Variants in PDE3B observed in about 807,000 individuals in gnomAD.
PDE3B encodes cGMP-inhibited 3',5'-cyclic phosphodiesterase 3B.
PDE3B carries 66 observed loss-of-function variants against 116.8 expected under a neutral mutation model. That is an observed-to-expected ratio of 0.56 (90% CI 0.46 to 0.69). The LOEUF (loss-of-function observed/expected upper bound fraction) is 0.69. Among genes scored for constraint, PDE3B ranks in the 30% least tolerant of loss-of-function variants. PDE3B has a pLI of 0.00. For synonymous variants in PDE3B, 595 were observed against 533.6 expected, an observed-to-expected ratio of 1.12 and a Z score of -1.59; for missense variants, 1,384 against 1,368.1, an observed-to-expected ratio of 1.01 and a Z score of -0.18.
At chr11:14,756,619 G>A (rs1857186641) in intron 1 of PDE3B, among the ~76,000 whole-genome samples, 1 of 152,256 alleles carries the variant, frequency 6.6e-6, no homozygotes, top group East Asian at 1.9e-4. Context: ...AAAAAGGTTA[G>A]TCTCCTAAGG....
rs773898887 is a variant in PDE3B, at chr11:14,644,119, A to G, written c.44A>G (p.Gln15Arg). Residue 15 changes from glutamine to arginine, a missense_variant, in exon 1 of 16, where the codon CAG becomes CGG. Transcript: ENST00000282096. ...ERDAKAMRSL[Q>R]PPDGAGSPPE... ...GACGCCAAAGCCATGCGGTCCCTGC[A>G]GCCGCCGGATGGGGCCGGCTCGCCC... The G allele has an allele frequency of 2.5e-6, 4 of 1,580,166 alleles. No individual in the cohort carries two copies. In the African/African-American group the frequency reaches 5.5e-5, roughly 22 times the overall value.
intron 14 of PDE3B, among the ~76,000 whole-genome samples, chr11:14,866,128 A>T (rs147448109): frequency 6.6e-6 from 1 of 152,212 alleles, no homozygotes; most frequent in African/African-American, 2.4e-5. Context: ...ATGAACTAAT[A>T]TATGTAGACT....
chr11:14,841,345 C>CTA (rs1186245385), intron 11 of PDE3B, among the ~76,000 whole-genome samples: 84 of 145,616 alleles, frequency 5.8e-4, no homozygotes, highest in African/African-American at 8.2e-4. Context: ...CTCTCTCTCT[C>CTA]TCTATATATA....
At position 14,686,421 on chromosome 11, in the gene PDE3B, G is replaced by A. The variant is rs555538780; in HGVS notation, c.978+41368G>A. Among the ~76,000 whole-genome samples the A allele has an allele frequency of 2.6e-4, 39 of 152,302 alleles. No individual in the cohort carries two copies. In the South Asian group the frequency reaches 7.7e-3, roughly 30 times the overall value. Reference sequence around the variant, plus strand: ...ATACTTTAAAGAAAATAATAACAGTGATTAGTAGAACTTAGCCTTGAATTA... The same window carrying A: ...ATACTTTAAAGAAAATAATAACAGTAATTAGTAGAACTTAGCCTTGAATTA... On this transcript the variant is annotated intron_variant, in intron 1 of 15. Coordinates refer to ENST00000282096, the MANE Select transcript of PDE3B (RefSeq NM_000922.4).
At chr11:14,645,870 A>G (rs1853388249) in intron 1 of PDE3B, among the ~76,000 whole-genome samples, 1 of 152,188 alleles carries the variant, frequency 6.6e-6, no homozygotes, top group Non-Finnish European at 1.5e-5. Context: ...AAGAAACTTA[A>G]TAAGTATAGT....
rs958683886 is a variant in PDE3B at position 14,661,165 on chromosome 11, C to T, written c.978+16112C>T. On this transcript the variant is annotated intron_variant, in intron 1 of 15. Transcript: ENST00000282096. ...ACCATTTGACCCAGCCATCCCATTACTGGGTATGTACCCAAAGGATTATAA... is the reference window on the plus strand; with the variant it reads ...ACCATTTGACCCAGCCATCCCATTATTGGGTATGTACCCAAAGGATTATAA... 2.6e-5 allele frequency among the ~76,000 whole-genome samples: 4 copies of T among 152,354 alleles called. No homozygotes were observed. In the East Asian group the frequency reaches 7.7e-4, roughly 29 times the overall value.
In PDE3B at chr11:14,867,531, T is replaced by C. The variant is rs1555008258; in HGVS notation, c.2912T>C (p.Leu971Pro). The C allele has an allele frequency of 1.2e-6, 2 of 1,613,680 alleles. No homozygotes were observed. The highest frequency in any genetic ancestry group is 1.7e-6 in the Non-Finnish European group (2 of 1,179,816). The change falls in exon 15 of 16, where the codon CTG becomes CCG. Residue 971 changes from leucine (L) to proline (P), a missense_variant. Coordinates refer to ENST00000282096, the MANE Select transcript of PDE3B (RefSeq NM_000922.4). ...EQGDEEANLG[L>P]PISPFMDRSS... ...GGAGATGAAGAAGCAAATCTTGGTC[T>C]GCCCATCAGTCCATTCATGGATCGT...
chr11:14,782,849 G>A (rs1284205392), intron 2 of PDE3B, among the ~76,000 whole-genome samples: 10 of 152,182 alleles, frequency 6.6e-5, no homozygotes, highest in South Asian at 6.2e-4. Flanking sequence ...GAAAATTTTC[G>A]CACTCTATCC....
At chr11:14,813,743 G>A (rs1415578759) in intron 5 of PDE3B, among the ~76,000 whole-genome samples, 2 of 152,110 alleles carry the variant, frequency 1.3e-5, no homozygotes, top group Non-Finnish European at 2.9e-5. Flanking sequence ...TCACTGAAAA[G>A]GGAAAGAGGA....
chr11:14,878,310 A>G, the PDE3B span: 2 of 1,612,178 alleles, frequency 1.2e-6, no homozygotes, highest in Non-Finnish European at 1.7e-6. Context: ...AAACAGAAAA[A>G]GCAGATACAA....
At chr11:14,714,090 GTTGA>G (rs1855794547) in intron 1 of PDE3B, among the ~76,000 whole-genome samples, 1 of 152,002 alleles carries the variant, frequency 6.6e-6, no homozygotes, top group Non-Finnish European at 1.5e-5. Flanking sequence ...ACTGTAGCAG[GTTGA>G]TTGATGATTG....
chr11:14,879,495 A>C, the PDE3B span: 3 of 1,384,894 alleles, frequency 2.2e-6, no homozygotes, highest in African/African-American at 2.8e-5. Flanking sequence ...AATTATACCT[A>C]AAGTTATTTC....
chr11:14,722,403 A>T (rs779764820), intron 1 of PDE3B, among the ~76,000 whole-genome samples: 2 of 152,216 alleles, frequency 1.3e-5, no homozygotes, highest in South Asian at 2.1e-4. Context: ...AGTAAAAAAA[A>T]TAAATCCAAT....
intron 1 of PDE3B, among the ~76,000 whole-genome samples, chr11:14,762,105 A>C (rs970738630): frequency 6.6e-6 from 1 of 151,722 alleles, no homozygotes; most frequent in African/African-American, 2.4e-5. Context: ...CCAGGAGTTT[A>C]AGACCAGTTT....
chr11:14,799,117 T>G (rs1428910289), intron 4 of PDE3B, among the ~76,000 whole-genome samples: 1 of 152,224 alleles, frequency 6.6e-6, no homozygotes, highest in African/African-American at 2.4e-5. Flanking sequence ...GTCCCAGAGA[T>G]TCTGGTATGT....
chr11:14,724,019 G>T (rs1219243033), intron 1 of PDE3B, among the ~76,000 whole-genome samples: 1 of 152,176 alleles, frequency 6.6e-6, no homozygotes, highest in Non-Finnish European at 1.5e-5. Context: ...AAATATCATT[G>T]TAGTTAAAAT....
At chr11:14,705,403 G>A (rs1293978547) in intron 1 of PDE3B, among the ~76,000 whole-genome samples, 8 of 151,868 alleles carry the variant, frequency 5.3e-5, no homozygotes, top group Non-Finnish European at 1.0e-4. Context: ...AATATATTCT[G>A]TATAATATCA....
rs139719223 is a variant in PDE3B at position 14,812,058 on chromosome 11, G to C, written c.1523-6125G>C. On this transcript the variant is annotated intron_variant, in intron 5 of 15. Transcript: ENST00000282096. Reference sequence around the variant, plus strand: ...GATTTTGGGCTTTTTTTTATAGCAAGTTGAATGAACTAAGACAGTGGTCCC... The same window carrying C: ...GATTTTGGGCTTTTTTTTATAGCAACTTGAATGAACTAAGACAGTGGTCCC... 4.5e-3 allele frequency among the ~76,000 whole-genome samples: 685 copies of C among 152,228 alleles called. 3 individuals carry two copies. The highest frequency in any genetic ancestry group is 0.015 in the African/African-American group (609 of 41,530).
intron 4 of PDE3B, among the ~76,000 whole-genome samples, chr11:14,801,230 G>A (rs181865913): frequency 2.6e-5 from 4 of 152,110 alleles, no homozygotes; most frequent in Admixed American, 1.3e-4. Flanking sequence ...GAGAAGAGGC[G>A]TTGTGTTTTT....
Sources: allele counts gnomAD v4.1 joint callset (sites outside exome capture counted in the v4.1 genomes callset), GRCh38; gene constraint gnomAD v4.1.1; transcripts MANE v1.5; gene names NCBI Gene and HGNC (gene_info 2026-07-23, HGNC 2026-07-21).